PFKM: variants seen among roughly 807,000 people sequenced by gnomAD.
PFKM encodes phosphofructokinase, muscle, also known as ATP-dependent 6-phosphofructokinase, muscle type.
A neutral mutation model predicts 95.5 loss-of-function variants in PFKM; 58 were observed. The observed-to-expected ratio is 0.61, with a 90% CI of 0.49 to 0.76. The LOEUF (loss-of-function observed/expected upper bound fraction) is 0.76. PFKM is among the 30% of genes least tolerant of loss of function. The pLI, the probability that PFKM is intolerant of heterozygous loss-of-function variation, is 0.00. For missense variants in PFKM, 678 were observed against 1,005.4 expected (o/e 0.67, Z 4.40); for synonymous variants, 336 against 357.2 (o/e 0.94, Z 0.67).
chr12:48,130,276 T>C (rs1045108286), intron 2 of PFKM, 87 bp from the exon 3 acceptor site: 1 of 860,760 alleles, frequency 1.2e-6, no homozygotes, highest in Non-Finnish European at 2.0e-6. Context: ...TGATTCGTTA[T>C]CTTTAGCCAA....
At chr12:48,114,347 A>G (rs1237950711) in intron 3 of PFKM, among the ~76,000 whole-genome samples, 1 of 152,196 alleles carries the variant, frequency 6.6e-6, no homozygotes, top group Non-Finnish European at 1.5e-5. Context: ...ATAGAGAAAA[A>G]GGCACATGTA....
rs192699795 is a variant in PFKM, at chr12:48,114,094, G to A, written c.205+5900G>A. On this transcript the variant is annotated intron_variant, in intron 3 of 24. Coordinates refer to the PFKM transcript ENST00000340802. ...CGGCCGGATAGTTCCATTGGGGATC[G>A]CCTCAGGGAACTGCTCTAATGCCTT... Among the ~76,000 whole-genome samples, 8 of 152,280 alleles carry A rather than the reference G, an allele frequency of 5.3e-5. No homozygotes were observed. The East Asian group carries it at 5.8e-4, about 11-fold the overall frequency.
intron 1 of PFKM, chr12:48,106,195 G>T (rs955629113): frequency 7.3e-6 from 5 of 680,352 alleles, no homozygotes; most frequent in Admixed American, 6.3e-5. Context: ...AAGGACCAGT[G>T]GGGCGCCTGC....
chr12:48,142,973 A>T, intron 18 of PFKM, 27 bp downstream of exon 18: 2 of 1,604,942 alleles, frequency 1.2e-6, no homozygotes, highest in Non-Finnish European at 1.7e-6. Flanking sequence ...AGCCTGCTAG[A>T]TAGCTCTCCC....
At chr12:48,108,372 G>A (rs1011236380) in intron 3 of PFKM, among the ~76,000 whole-genome samples, 7 of 152,138 alleles carry the variant, frequency 4.6e-5, no homozygotes, top group Non-Finnish European at 1.0e-4. Context: ...AAGAGAAAGA[G>A]GGATGGGGAG....
upstream of PFKM, among the ~76,000 whole-genome samples, chr12:48,117,753 C>A (rs1448606141): frequency 6.6e-6 from 1 of 152,156 alleles, no homozygotes; most frequent in Non-Finnish European, 1.5e-5. Context: ...AATAGCTCCC[C>A]CATGACACAG....
upstream of PFKM, among the ~76,000 whole-genome samples, chr12:48,118,889 ATT>A (rs5798062): frequency 6.6e-6 from 1 of 151,958 alleles, no homozygotes. Flanking sequence ...GACTATATTT[ATT>A]TTTTTTAAAC....
Position 48,142,951 on chromosome 12 carries a change from C to T in PFKM, c.1818+5C>T. Reference sequence around the variant, plus strand: ...TTCACCATTCGAGACCTGCAGGTAGCTGGCCACCCAGAGCCTGCTAGATAG... The same window carrying T: ...TTCACCATTCGAGACCTGCAGGTAGTTGGCCACCCAGAGCCTGCTAGATAG... On this transcript the variant is annotated splice_donor_5th_base_variant and intron_variant, in intron 18 of 22. Coordinates refer to ENST00000359794, the MANE Select transcript of PFKM (RefSeq NM_000289.6). The T allele has an allele frequency of 1.2e-6, 2 of 1,612,888 alleles. No homozygotes were observed. Among genetic ancestry groups the T allele is most frequent in the Non-Finnish European group, 1.7e-6 (2 of 1,179,602 alleles).
At position 48,134,306 on chromosome 12, in the gene PFKM, C is replaced by CG. The variant is rs760895898; in HGVS notation, c.638+31dup. 3 of 1,595,222 alleles carry CG rather than the reference C, an allele frequency of 1.9e-6. No individual in the cohort carries two copies. In the South Asian group the frequency reaches 3.3e-5, roughly 18 times the overall value. ...GATCCTCATTCTGACCCATTTATTC[C>CG]GTGGACCTAGCGATAGCCCTTTCCT... On this transcript the variant is annotated intron_variant, in intron 7 of 22. Coordinates refer to ENST00000359794, the MANE Select transcript of PFKM (RefSeq NM_000289.6).
chr12:48,122,864 G>A lies in PFKM; in HGVS notation c.85+5G>A. On this transcript the variant is annotated splice_donor_5th_base_variant and intron_variant, in intron 2 of 22. Coordinates refer to ENST00000359794, the MANE Select transcript of PFKM (RefSeq NM_000289.6). ...CCTCTGGTGGAGATGCCCAAGGTAA[G>A]GAGGAGGGGACAAAAAACATGGCTG... 6.2e-7 allele frequency: 1 copy of A among 1,613,716 alleles called. No individual in the cohort carries two copies. Among genetic ancestry groups the A allele is most frequent in the Non-Finnish European group, 8.5e-7 (1 of 1,179,626 alleles).
At position 48,110,541 on chromosome 12, in the gene PFKM, C is replaced by T. The variant is rs551713533; in HGVS notation, c.205+2347C>T. On this transcript the variant is annotated intron_variant, in intron 3 of 24. Transcript: ENST00000340802. ...CAGTGAAATGGTGAGGAACTCATGT[C>T]GTCAAACAACAGAGATGAGCACAGA... Among the ~76,000 whole-genome samples, 9 of 152,188 alleles carry T rather than the reference C, an allele frequency of 5.9e-5. No individual in the cohort carries two copies. The South Asian group carries it at 1.9e-3, about 32-fold the overall frequency.
In PFKM at chr12:48,130,410, G is replaced by C; in HGVS notation, c.133G>C (p.Gly45Arg). Residue 45 changes from glycine (G) to arginine (R), a missense_variant, in exon 3 of 23, where the codon GGT becomes CGT. Gly to Arg is a moderately radical substitution (Grantham distance 125). Transcript: ENST00000359794. The stretch of plus-strand genomic sequence containing the variant: ...TGTGGTTCGAGTTGGTATCTTCACC[G>C]GTGCCCGTGTCTTCTTTGTCCATGA... ...RAVVRVGIFT[G>R]ARVFFVHEGY... 1 of 1,613,276 alleles carries C rather than the reference G, an allele frequency of 6.2e-7. No individual in the cohort carries two copies. The highest frequency in any genetic ancestry group is 8.5e-7 in the Non-Finnish European group (1 of 1,179,254).
At chr12:48,132,616 G>A (rs1949625306) in intron 4 of PFKM, among the ~76,000 whole-genome samples, 1 of 152,214 alleles carries the variant, frequency 6.6e-6, no homozygotes, top group African/African-American at 2.4e-5. Context: ...GATAGTCATG[G>A]ATGACAAAGC....
chr12:48,114,912 T>C (rs1338455296), upstream of PFKM, among the ~76,000 whole-genome samples: 1 of 151,432 alleles, frequency 6.6e-6, no homozygotes, highest in Non-Finnish European at 1.5e-5. Context: ...CAGGTGAGAG[T>C]TGAAGAGGTT....
chr12:48,118,693 C>A, upstream of PFKM: 1 of 665,812 alleles, frequency 1.5e-6, no homozygotes, highest in South Asian at 1.7e-5. Flanking sequence ...GCCAGAATCC[C>A]GCCCCCATCC....
chr12:48,106,161 G>T, intron 1 of PFKM: 1 of 701,586 alleles, frequency 1.4e-6, no homozygotes, highest in Non-Finnish European at 2.6e-6. Flanking sequence ...AGGGGGCTGG[G>T]GCAGGAGGTC....
chr12:48,125,103 A>T (rs1948689704), intron 2 of PFKM, among the ~76,000 whole-genome samples: 1 of 152,100 alleles, frequency 6.6e-6, no homozygotes, highest in Admixed American at 6.5e-5. Flanking sequence ...GAGCTCAAAA[A>T]CAAAGAACTC....
chr12:48,122,787 G>A lies in PFKM; in HGVS notation c.13G>A (p.Glu5Lys), dbSNP rs761018155. 6.2e-7 allele frequency: 1 copy of A among 1,614,078 alleles called. No individual in the cohort carries two copies. Among genetic ancestry groups the A allele is most frequent in the South Asian group, 1.1e-5 (1 of 91,080 alleles). The change falls in exon 2 of 23, where the codon GAG becomes AAG. Residue 5 changes from glutamate (E) to lysine (K), a missense_variant. By Grantham distance (56) the Glu-to-Lys change is moderately conservative. Coordinates refer to ENST00000359794, the MANE Select transcript of PFKM (RefSeq NM_000289.6). ...TCTAGAGTGGATCATGACCCATGAAGAGCACCATGCAGCCAAAACCCTGGG... is the reference window on the plus strand; with the variant it reads ...TCTAGAGTGGATCATGACCCATGAAAAGCACCATGCAGCCAAAACCCTGGG... MTHE[E>K]HHAAKTLGIG...
chr12:48,105,916 G>A (rs1946529336), upstream of PFKM: 1 of 657,500 alleles, frequency 1.5e-6, no homozygotes, highest in Non-Finnish European at 2.8e-6. Context: ...GCCCCACAGT[G>A]CTCCCCGCTT....
Sources: allele counts gnomAD v4.1 joint callset (sites outside exome capture counted in the v4.1 genomes callset), GRCh38; gene constraint gnomAD v4.1.1; transcripts MANE v1.5; gene names NCBI Gene and HGNC (gene_info 2026-07-23, HGNC 2026-07-21).